Variants in SCIMP observed in about 807,000 individuals in gnomAD.
The protein encoded by SCIMP is SLP adaptor and CSK interacting membrane protein.
SCIMP carries 18 observed loss-of-function variants against 22.0 expected under a neutral mutation model. That is an observed-to-expected ratio of 0.82 (90% CI 0.56 to 1.21). SCIMP has a LOEUF of 1.21. Among genes scored for constraint, SCIMP ranks in the 50% most tolerant of loss-of-function variants. SCIMP has a pLI of 0.00. For missense variants in SCIMP, 155 were observed against 171.2 expected (o/e 0.91, Z 0.53); for synonymous variants, 53 against 62.2 (o/e 0.85, Z 0.70).
In SCIMP at chr17:5,210,004, C is replaced by G. The variant is rs895545684; in HGVS notation, c.*797G>C. ...TTCTTTCCTGTTCCCCATGATTTGT[C>G]CTGGGGGAAATGTATTTTTCCTGTA... On this transcript the variant is annotated 3_prime_UTR_variant, in exon 5 of 5. Coordinates refer to ENST00000574081, the MANE Select transcript of SCIMP (RefSeq NM_207103.3). 6.6e-6 allele frequency: 1 copy of G among 152,094 alleles called. No individual in the cohort carries two copies. Among genetic ancestry groups the G allele is most frequent in the Non-Finnish European group, 1.5e-5 (1 of 68,036 alleles). 9.4% of individuals were successfully genotyped at this position (152,094 alleles called of 1,614,324 possible).
At chr17:5,223,688 T>C in intron 1 of SCIMP, 2 of 440,700 alleles carry the variant, frequency 4.5e-6, no homozygotes, top group South Asian at 2.1e-5. Flanking sequence ...TAACGGGGAC[T>C]ACAGGCACCT....
At position 5,223,603 on chromosome 17, in the gene SCIMP, C is replaced by T. The variant is rs183840454; in HGVS notation, c.22-147G>A. The T allele has an allele frequency of 3.4e-3, 2,426 of 717,410 alleles. 22 individuals carry two copies. Among genetic ancestry groups the T allele is most frequent in the Admixed American group, 0.02 (785 of 39,170 alleles). 44.4% of individuals were successfully genotyped at this position (717,410 alleles called of 1,614,324 possible). On this transcript the variant is annotated intron_variant, in intron 1 of 4. Transcript: ENST00000574081. ...TGTCGCCCAGGCTGGAGTGCAATGACGTGATCTCAGCTCTCAGCTCACTGC... is the reference window on the plus strand; with the variant it reads ...TGTCGCCCAGGCTGGAGTGCAATGATGTGATCTCAGCTCTCAGCTCACTGC...
intron 1 of SCIMP, among the ~76,000 whole-genome samples, chr17:5,226,508 CTT>C (rs36033614): frequency 1.2e-4 from 4 of 33,032 alleles, no homozygotes; most frequent in Admixed American, 4.8e-4. Context: ...TTCTTTCTTT[CTT>C]TTTTTTTTTT....
chr17:5,233,097 A>G (rs2074715532), intron 1 of SCIMP, among the ~76,000 whole-genome samples: 1 of 152,120 alleles, frequency 6.6e-6, no homozygotes, highest in Non-Finnish European at 1.5e-5. Context: ...TGCATGGGGA[A>G]GTGCACGGCA....
chr17:5,220,022 A>T (rs1175872629), intron 3 of SCIMP, among the ~76,000 whole-genome samples: 1 of 152,110 alleles, frequency 6.6e-6, no homozygotes, highest in Non-Finnish European at 1.5e-5. Context: ...TTTCGCCATA[A>T]TGTACTGTAA....
At chr17:5,211,494 A>T (rs1032915810) in intron 4 of SCIMP, among the ~76,000 whole-genome samples, 2 of 151,592 alleles carry the variant, frequency 1.3e-5, no homozygotes, top group Non-Finnish European at 2.9e-5. Flanking sequence ...ACTGCACTTC[A>T]GCCTGGACAA....
In SCIMP at chr17:5,210,743, T is replaced by G; in HGVS notation, c.*58A>C. 1 of 1,563,962 alleles carries G rather than the reference T, an allele frequency of 6.4e-7. No homozygotes were observed. Among genetic ancestry groups the G allele is most frequent in the African/African-American group, 1.4e-5 (1 of 72,776 alleles). On this transcript the variant is annotated 3_prime_UTR_variant, in exon 5 of 5. Transcript: ENST00000574081. ...ACTGAAGTTCAACCATTCTTGATTG[T>G]TTTAAAATAAGTTGTGTGAACCCTC...
In SCIMP at chr17:5,214,613, G is replaced by C. The variant is rs539482048; in HGVS notation, c.283+312C>G. ...CCCAGCACTTTGGGAGGCCGAGGCC[G>C]GTGGATCACGAGGTCAGGAGATCGA... On this transcript the variant is annotated intron_variant, in intron 4 of 4. Transcript: ENST00000574081. 4 of 257,332 alleles carry C rather than the reference G, an allele frequency of 1.6e-5. No homozygotes were observed. The East Asian group carries it at 2.1e-4, about 13-fold the overall frequency. 15.9% of individuals were successfully genotyped at this position (257,332 alleles called of 1,614,324 possible).
chr17:5,226,124 C>G (rs572609613), intron 1 of SCIMP, among the ~76,000 whole-genome samples: 1 of 152,108 alleles, frequency 6.6e-6, no homozygotes, highest in Non-Finnish European at 1.5e-5. Flanking sequence ...AAATAAATAC[C>G]ACGACCTGCG....
chr17:5,223,188 A>C, intron 2 of SCIMP, 145 bp downstream of exon 2: 1 of 767,264 alleles, frequency 1.3e-6, no homozygotes, highest in Admixed American at 2.3e-5. Context: ...TGGCAGGGTT[A>C]GGACTCAAAC....
At chr17:5,233,399 A>G (rs925566037) in intron 1 of SCIMP, among the ~76,000 whole-genome samples, 1 of 151,884 alleles carries the variant, frequency 6.6e-6, no homozygotes, top group Admixed American at 6.6e-5. Flanking sequence ...TTTGAGATGG[A>G]GTCTTGCTCT....
chr17:5,212,749 G>A (rs956995846), intron 4 of SCIMP, among the ~76,000 whole-genome samples: 12 of 152,202 alleles, frequency 7.9e-5, no homozygotes, highest in Non-Finnish European at 1.5e-4. Context: ...CTCAATAAAT[G>A]TTAGCTAATA....
At chr17:5,213,296 C>T (rs561887900) in intron 4 of SCIMP, 318 of 946,978 alleles carry the variant, frequency 3.4e-4, no homozygotes, top group Admixed American at 3.8e-4. Flanking sequence ...CTCACTCTGT[C>T]GTCCAGGTGC....
At chr17:5,221,378 A>C (rs1444492059) in intron 2 of SCIMP, 28 bp from the exon 3 acceptor site, 1 of 1,559,838 alleles carries the variant, frequency 6.4e-7, no homozygotes. Flanking sequence ...TGTTCATTGA[A>C]GAAGAATTAG....
intron 3 of SCIMP, among the ~76,000 whole-genome samples, chr17:5,218,139 C>T (rs896989955): frequency 5.9e-5 from 9 of 151,886 alleles, no homozygotes; most frequent in Non-Finnish European, 1.0e-4. Context: ...AATCCTCCCA[C>T]CTCAGCCTCC....
chr17:5,219,805 C>A (rs1330318391), intron 3 of SCIMP, among the ~76,000 whole-genome samples: 1 of 152,032 alleles, frequency 6.6e-6, no homozygotes, highest in Non-Finnish European at 1.5e-5. Flanking sequence ...CATGACTAAC[C>A]CCCAGTAAAA....
At chr17:5,217,864 T>A (rs972939345) in intron 3 of SCIMP, among the ~76,000 whole-genome samples, 2 of 152,046 alleles carry the variant, frequency 1.3e-5, no homozygotes, top group African/African-American at 4.8e-5. Context: ...ATAGTGCTGC[T>A]ATAAACATAC....
chr17:5,229,585 C>T (rs934791940), intron 1 of SCIMP, among the ~76,000 whole-genome samples: 6 of 151,510 alleles, frequency 4.0e-5, no homozygotes, highest in African/African-American at 1.5e-4. Flanking sequence ...GTAGAGATGG[C>T]GTTTCACACC....
intron 3 of SCIMP, among the ~76,000 whole-genome samples, chr17:5,219,691 A>G (rs12942064): frequency 0.077 from 11,692 of 152,240 alleles, 510 homozygotes; most frequent in Middle Eastern, 0.14. Flanking sequence ...CAGATAGTTT[A>G]TGTTAATAAT....
Sources: allele counts gnomAD v4.1 joint callset (sites outside exome capture counted in the v4.1 genomes callset), GRCh38; gene constraint gnomAD v4.1.1; transcripts MANE v1.5; gene names NCBI Gene and HGNC (gene_info 2026-07-23, HGNC 2026-07-21).